NTN1: variants seen among roughly 807,000 people sequenced by gnomAD.
NTN1 encodes netrin-1.
NTN1 carries 11 observed loss-of-function variants against 54.2 expected under a neutral mutation model. The observed-to-expected ratio is 0.20, with a 90% CI of 0.13 to 0.34. The LOEUF is 0.34. Among genes scored for constraint, NTN1 ranks in the 10% least tolerant of loss-of-function variants. The pLI, the probability that NTN1 is intolerant of heterozygous loss-of-function variation, is 1.00. For missense variants in NTN1, 740 were observed against 893.1 expected, an observed-to-expected ratio of 0.83 and a Z score of 2.18; for synonymous variants, 371 against 382.0, an observed-to-expected ratio of 0.97 and a Z score of 0.33.
intron 3 of NTN1, among the ~76,000 whole-genome samples, chr17:9,168,903 C>T (rs985574520): frequency 3.9e-5 from 6 of 152,112 alleles, no homozygotes; most frequent in Admixed American, 6.5e-5. Context: ...GTGGCTGGAG[C>T]GGCTCCAGCT....
At chr17:9,136,899 C>T (rs1174044535) in intron 2 of NTN1, among the ~76,000 whole-genome samples, 1 of 152,152 alleles carries the variant, frequency 6.6e-6, no homozygotes, top group Non-Finnish European at 1.5e-5. Context: ...TTCCTCGTGG[C>T]AGAAAGAGGG....
At chr17:9,113,822 G>C (rs952030100) in intron 2 of NTN1, among the ~76,000 whole-genome samples, 1 of 152,020 alleles carries the variant, frequency 6.6e-6, no homozygotes, top group Non-Finnish European at 1.5e-5. Flanking sequence ...GATGTCCAAC[G>C]ATGGGAGATG....
At chr17:9,016,738 A>G (rs2091832836), upstream of NTN1, among the ~76,000 whole-genome samples, 11 of 152,068 alleles carry the variant, frequency 7.2e-5, 1 homozygote, top group South Asian at 2.3e-3. Flanking sequence ...CATATCAGCC[A>G]CCCACTCCCC....
In NTN1 at chr17:9,242,600, A is replaced by C. The variant is rs1489842953; in HGVS notation, c.*2632A>C. The C allele has an allele frequency of 6.6e-6, 1 of 152,304 alleles. No individual in the cohort carries two copies. The highest frequency in any genetic ancestry group is 1.5e-5 in the Non-Finnish European group (1 of 68,108). The allele number at this position is 152,304 out of a possible 1,614,324, so 9.4% of individuals were successfully genotyped here. ...AAGGCATCTTGCGGAAAATTCAGCC[A>C]GTGTCCTGCCCCTCCCTTCGGCTCA... On this transcript the variant is annotated 3_prime_UTR_variant, in exon 7 of 7. Transcript: ENST00000173229.
At chr17:9,093,986 G>A (rs959105072) in intron 2 of NTN1, among the ~76,000 whole-genome samples, 26 of 151,922 alleles carry the variant, frequency 1.7e-4, no homozygotes, top group African/African-American at 6.0e-4. Context: ...AAAAGAAAAT[G>A]TGGACAAGTT....
rs139409979 is a variant in NTN1 at position 9,162,663 on chromosome 17, C to T, written c.1019-150C>T. 97 of 728,792 alleles carry T rather than the reference C, an allele frequency of 1.3e-4. No homozygotes were observed. The African/African-American group carries it at 1.5e-3, about 11-fold the overall frequency. 45.1% of individuals were successfully genotyped at this position (728,792 alleles called of 1,614,324 possible). On this transcript the variant is annotated intron_variant, in intron 2 of 6. Transcript: ENST00000173229. ...GCTTACGGGTACAAACAGGAGGAGC[C>T]GAGGAGGAGCTCCTGGAGCACAAGT...
chr17:9,202,146 C>T (rs529221517), intron 5 of NTN1, among the ~76,000 whole-genome samples: 8 of 142,478 alleles, frequency 5.6e-5, no homozygotes, highest in South Asian at 4.6e-4. Flanking sequence ...GAGGCTGAGG[C>T]GGGAGAATCG....
At chr17:9,011,767 T>C in the NTN1 span, among the ~76,000 whole-genome samples, 1 of 152,074 alleles carries the variant, frequency 6.6e-6, no homozygotes, top group Non-Finnish European at 1.5e-5. Context: ...TTTTTGTATT[T>C]TTGGTAGAGA....
At chr17:9,072,248 GTT>G (rs561199419) in intron 2 of NTN1, among the ~76,000 whole-genome samples, 1,759 of 131,388 alleles carry the variant, frequency 0.013, 39 homozygotes, top group African/African-American at 0.041. Flanking sequence ...GTTATTTGCT[GTT>G]TTTTTTTTTT....
At chr17:9,228,390 G>A (rs1187375483) in intron 6 of NTN1, among the ~76,000 whole-genome samples, 1 of 152,178 alleles carries the variant, frequency 6.6e-6, no homozygotes, top group Admixed American at 6.5e-5. Context: ...AGGCTGGAGA[G>A]AGGCTGGTGT....
chr17:9,089,006 G>C (rs1445322214), intron 2 of NTN1, among the ~76,000 whole-genome samples: 1 of 152,178 alleles, frequency 6.6e-6, no homozygotes, highest in African/African-American at 2.4e-5. Context: ...CCATCGGAGT[G>C]CTGGTGACTG....
intron 2 of NTN1, among the ~76,000 whole-genome samples, chr17:9,040,378 G>A (rs2151512903): frequency 6.6e-6 from 1 of 152,096 alleles, no homozygotes; most frequent in East Asian, 1.9e-4. Context: ...ATTATGAAAG[G>A]GATTTTTTCC....
At chr17:9,121,376 G>T (rs1297858603) in intron 2 of NTN1, among the ~76,000 whole-genome samples, 2 of 151,944 alleles carry the variant, frequency 1.3e-5, no homozygotes, top group Non-Finnish European at 2.9e-5. Flanking sequence ...TCTGGCAATT[G>T]CACCTCATCC....
Position 9,163,013 on chromosome 17 carries a change from G to A in NTN1, c.1207+12G>A, listed in dbSNP as rs1271231977. 7 of 1,588,614 alleles carry A rather than the reference G, an allele frequency of 4.4e-6. No individual in the cohort carries two copies. The East Asian group carries it at 6.9e-5, about 16-fold the overall frequency. On this transcript the variant is annotated intron_variant, in intron 3 of 6. Transcript: ENST00000173229. ...GAAGGCCTGCAAAGGTGGGCTACACGTGGCGGGGCGGGGGGCTGGGGAGAC... is the reference window on the plus strand; with the variant it reads ...GAAGGCCTGCAAAGGTGGGCTACACATGGCGGGGCGGGGGGCTGGGGAGAC...
At chr17:9,233,413 C>T (rs772914094) in intron 6 of NTN1, among the ~76,000 whole-genome samples, 1 of 151,964 alleles carries the variant, frequency 6.6e-6, no homozygotes, top group African/African-American at 2.4e-5. Flanking sequence ...CTGGCCCGGG[C>T]GGGGAGCTTT....
At chr17:9,188,951 T>TTCA (rs1904376081) in intron 5 of NTN1, among the ~76,000 whole-genome samples, 1 of 152,156 alleles carries the variant, frequency 6.6e-6, no homozygotes, top group Non-Finnish European at 1.5e-5. Flanking sequence ...AAGCGGGATG[T>TTCA]TAGGCTGTCC....
At chr17:9,202,031 C>CACACACACAT (rs1567737110) in intron 5 of NTN1, among the ~76,000 whole-genome samples, 1 of 15,636 alleles carries the variant, frequency 6.4e-5, no homozygotes, top group African/African-American at 3.4e-4. Context: ...ACTAAAAATA[C>CACACACACAT]ACACACACAC....
chr17:9,194,010 C>CAGATCACTGG lies in NTN1; in HGVS notation c.1411+11044_1411+11053dup, dbSNP rs1904553980. ...CAGCACTTTGGGAGGCCAAGGTGGG[C>CAGATCACTGG]AGATCACTGGAGGTCAGGAGTTTGA... On this transcript the variant is annotated intron_variant, in intron 5 of 6. Transcript: ENST00000173229. Among the ~76,000 whole-genome samples the CAGATCACTGG allele has an allele frequency of 3.4e-5, 5 of 147,746 alleles. 1 individual carries two copies. The South Asian group carries it at 1.1e-3, about 32-fold the overall frequency.
intron 2 of NTN1, among the ~76,000 whole-genome samples, chr17:9,137,593 G>C (rs1248612958): frequency 6.6e-6 from 1 of 152,144 alleles, no homozygotes; most frequent in Non-Finnish European, 1.5e-5. Flanking sequence ...AGGAGTTCGA[G>C]ACCAGCCTGG....
Sources: gnomAD v4.1 joint callset for allele counts (sites outside exome capture counted in the v4.1 genomes callset) on GRCh38, gnomAD v4.1.1 for gene constraint, MANE v1.5 for transcripts, NCBI Gene and HGNC (gene_info 2026-07-23, HGNC 2026-07-21) for gene names.